Variants in SGSM2 observed in about 807,000 individuals in gnomAD.
SGSM2 encodes small G protein signaling modulator 2.
SGSM2 carries 89 observed loss-of-function variants against 126.6 expected under a neutral mutation model. That is an observed-to-expected ratio of 0.70 (90% CI 0.59 to 0.84). The LOEUF (loss-of-function observed/expected upper bound fraction) is 0.84. SGSM2 is among the 40% of genes least tolerant of loss of function. The pLI, the probability that SGSM2 is intolerant of heterozygous loss-of-function variation, is 0.00. For missense variants in SGSM2, 1,404 were observed against 1,416.6 expected, an observed-to-expected ratio of 0.99 and a Z score of 0.14; for synonymous variants, 614 against 574.3, an observed-to-expected ratio of 1.07 and a Z score of -0.99.
At chr17:2,377,265 C>G in intron 21 of SGSM2, 197 bp downstream of exon 21, 1 of 544,766 alleles carries the variant, frequency 1.8e-6, no homozygotes, top group Non-Finnish European at 3.2e-6. Flanking sequence ...GCAGGCGGAT[C>G]ACGAAGTCAG....
intron 11 of SGSM2, among the ~76,000 whole-genome samples, chr17:2,365,738 C>T (rs1158017285): frequency 2.0e-5 from 3 of 149,948 alleles, no homozygotes; most frequent in South Asian, 4.2e-4. Flanking sequence ...ATGGGACCAG[C>T]GCTACTTTTT....
At chr17:2,348,575 CT>C (rs2064707429) in intron 2 of SGSM2, among the ~76,000 whole-genome samples, 1 of 152,082 alleles carries the variant, frequency 6.6e-6, no homozygotes, top group Non-Finnish European at 1.5e-5. Flanking sequence ...ATAGCTGGGA[CT>C]TTGGGGTCAC....
chr17:2,370,348 G>A (rs1005741485), intron 12 of SGSM2, among the ~76,000 whole-genome samples: 4 of 152,260 alleles, frequency 2.6e-5, no homozygotes, highest in South Asian at 2.1e-4. Flanking sequence ...CACGTGGGCC[G>A]TGGAAGCTCT....
At chr17:2,368,485 A>G (rs1456078239) in intron 12 of SGSM2, among the ~76,000 whole-genome samples, 3 of 151,266 alleles carry the variant, frequency 2.0e-5, no homozygotes, top group African/African-American at 7.3e-5. Flanking sequence ...AATATGTCAC[A>G]CTCCCCTTAG....
chr17:2,376,407 A>G, intron 19 of SGSM2, 146 bp downstream of exon 19: 1 of 955,878 alleles, frequency 1.0e-6, no homozygotes, highest in South Asian at 1.6e-5. Context: ...TTTTTCCTGC[A>G]CACCCCTCCC....
At chr17:2,349,785 A>C in intron 2 of SGSM2, among the ~76,000 whole-genome samples, 1 of 133,314 alleles carries the variant, frequency 7.5e-6, no homozygotes, top group Admixed American at 7.3e-5. Context: ...TCCCTAGTGA[A>C]ATGTTTTGTT....
At chr17:2,376,315 T>C in intron 19 of SGSM2, 54 bp downstream of exon 19, 1 of 1,499,778 alleles carries the variant, frequency 6.7e-7, no homozygotes, top group Non-Finnish European at 9.0e-7. Flanking sequence ...CGCCAGTTAC[T>C]CTGTGAAGAT....
In SGSM2 at chr17:2,363,981, G is replaced by A. The variant is rs536557491; in HGVS notation, c.808-78G>A. 1.6e-4 allele frequency: 256 copies of A among 1,586,492 alleles called. 2 individuals carry two copies. The East Asian group carries it at 5.4e-3, about 33-fold the overall frequency. ...TAGCTTGGCCTCCCCTCCTCCCAGC[G>A]GGAGCTCATTTCTCATAGGCCATCC... On this transcript the variant is annotated intron_variant, in intron 7 of 23. Transcript: ENST00000268989. This position sits in a 1 kb window ranked among gnomAD's most constrained non-coding sequence, Gnocchi z 4.2.
chr17:2,364,813 T>A (rs1409703122), intron 9 of SGSM2, 84 bp from the exon 10 acceptor site: 10 of 1,579,172 alleles, frequency 6.3e-6, no homozygotes, highest in Non-Finnish European at 8.6e-6. Context: ...GCCATCTGCC[T>A]CCTACCCAGC....
intron 23 of SGSM2, 28 bp from the exon 24 acceptor site, chr17:2,379,404 C>T (rs1171818308): frequency 6.2e-7 from 1 of 1,603,380 alleles, no homozygotes; most frequent in Non-Finnish European, 8.5e-7. Flanking sequence ...CTCTGGGCCT[C>T]TCTACAGCTC....
chr17:2,361,931 G>A, intron 3 of SGSM2, 132 bp downstream of exon 3: 3 of 1,331,368 alleles, frequency 2.3e-6, no homozygotes, highest in Non-Finnish European at 3.1e-6. Flanking sequence ...TGAGGGATCA[G>A]CTTGAGGGAG....
chr17:2,379,921 AG>A lies in SGSM2; in HGVS notation c.*402del. 7.7e-7 allele frequency: 1 copy of A among 1,304,526 alleles called. No individual in the cohort carries two copies. Among genetic ancestry groups the A allele is most frequent in the Non-Finnish European group, 9.8e-7 (1 of 1,022,334 alleles). 80.8% of individuals were successfully genotyped at this position (1,304,526 alleles called of 1,614,324 possible). The stretch of plus-strand genomic sequence containing the variant: ...TACTCAGCTGGGGTGGCAGAGGGCG[AG>A]AGGCTCTGTGCTGTGTCCCTTCTGA... On this transcript the variant is annotated 3_prime_UTR_variant, in exon 24 of 24. Coordinates refer to ENST00000268989, the MANE Select transcript of SGSM2 (RefSeq NM_014853.3).
chr17:2,376,586 T>C, intron 19 of SGSM2, 147 bp from the exon 20 acceptor site: 2 of 889,248 alleles, frequency 2.2e-6, no homozygotes, highest in Non-Finnish European at 3.5e-6. Flanking sequence ...CCCCGTTGTC[T>C]CCCTGTGGGG....
chr17:2,341,561 G>A (rs184279368), intron 1 of SGSM2, among the ~76,000 whole-genome samples: 1 of 152,280 alleles, frequency 6.6e-6, no homozygotes, highest in African/African-American at 2.4e-5. Context: ...TAAGGGTCTT[G>A]GGAACCTGGA....
chr17:2,362,708 C>T lies in SGSM2; in HGVS notation c.459-130C>T. 1.1e-6 allele frequency: 1 copy of T among 922,298 alleles called. No homozygotes were observed. The highest frequency in any genetic ancestry group is 1.7e-6 in the Non-Finnish European group (1 of 593,662). 57.1% of individuals were successfully genotyped at this position (922,298 alleles called of 1,614,324 possible). The stretch of plus-strand genomic sequence containing the variant: ...ACCAGGCACCTCACGAAGCCCAGTC[C>T]CTAAGGACTCACTGTTTCTTGATGA... On this transcript the variant is annotated intron_variant, in intron 4 of 23. Transcript: ENST00000268989. The surrounding 1 kb of genome is among the most constrained non-coding windows in gnomAD (Gnocchi z 4.9).
intron 1 of SGSM2, among the ~76,000 whole-genome samples, chr17:2,341,541 C>G (rs192259416): frequency 6.6e-6 from 1 of 152,360 alleles, no homozygotes; most frequent in Admixed American, 6.5e-5. Context: ...CCAAACTATA[C>G]AGTCTTGACT....
chr17:2,357,411 C>T (rs536480169), intron 2 of SGSM2, among the ~76,000 whole-genome samples: 3 of 152,258 alleles, frequency 2.0e-5, no homozygotes, highest in African/African-American at 7.2e-5. Context: ...CTGATAAATA[C>T]ATACAGTGGA....
chr17:2,373,154 G>C lies in SGSM2; in HGVS notation c.1917+73G>C, dbSNP rs557112911. On this transcript the variant is annotated intron_variant, in intron 16 of 23. Transcript: ENST00000268989. Reference sequence around the variant, plus strand: ...CAGGGGACGCCAGGGAGGGGACCTTGGAAGCCTCAGCCCCTTCCCAGCCGG... The same window carrying C: ...CAGGGGACGCCAGGGAGGGGACCTTCGAAGCCTCAGCCCCTTCCCAGCCGG... 3.2e-6 allele frequency: 5 copies of C among 1,587,068 alleles called. No individual in the cohort carries two copies. In the African/African-American group the frequency reaches 6.7e-5, roughly 21 times the overall value.
At chr17:2,349,908 C>T (rs569707052) in intron 2 of SGSM2, among the ~76,000 whole-genome samples, 1 of 152,180 alleles carries the variant, frequency 6.6e-6, no homozygotes, top group African/African-American at 2.4e-5. Flanking sequence ...CTGCCTCAGC[C>T]TCCCAAGTAG....
Sources: allele counts gnomAD v4.1 joint callset (sites outside exome capture counted in the v4.1 genomes callset), GRCh38; gene constraint gnomAD v4.1.1; non-coding constraint Gnocchi (gnomAD v3.1); transcripts MANE v1.5; gene names NCBI Gene and HGNC (gene_info 2026-07-23, HGNC 2026-07-21).